The following CNTNAP2 variants were observed in gnomAD, a reference collection of about 807,000 sequenced individuals.
The protein encoded by CNTNAP2 is contactin associated protein 2.
In CNTNAP2, 98 loss-of-function variants were observed where a neutral mutation model predicts 155.2. The ratio of observed to expected loss-of-function variants is 0.63; its 90% confidence interval spans 0.54 to 0.75. The LOEUF (loss-of-function observed/expected upper bound fraction) is 0.75, where lower values mean the gene tolerates loss of function less well. Among genes scored for constraint, CNTNAP2 ranks in the 30% least tolerant of loss-of-function variants. The pLI, the probability that CNTNAP2 is intolerant of heterozygous loss-of-function variation, is 0.00. For missense variants in CNTNAP2, 1,727 were observed against 1,688.1 expected (o/e 1.02, Z -0.40); for synonymous variants, 651 against 631.2 (o/e 1.03, Z -0.47).
chr7:148,362,616 G>A (rs1008915678), intron 21 of CNTNAP2, among the ~76,000 whole-genome samples: 2 of 152,170 alleles, frequency 1.3e-5, no homozygotes, highest in South Asian at 2.1e-4. Flanking sequence ...TCTGTACTGC[G>A]TGCAGGCTGC....
At chr7:148,228,574 A>G (rs970741366) in intron 19 of CNTNAP2, among the ~76,000 whole-genome samples, 9 of 152,180 alleles carry the variant, frequency 5.9e-5, no homozygotes, top group African/African-American at 2.2e-4. Flanking sequence ...CTGTAATCCC[A>G]GCACTTTGGG....
chr7:146,284,559 T>C lies in CNTNAP2; in HGVS notation c.97+167586T>C, dbSNP rs182207482. ...TATTTTTCTAGCTTCCAGTTTTAGT[T>C]GCACACAATCTACTTAGCTAAAACT... is the stretch of plus-strand genomic sequence containing the variant. On this transcript the variant is annotated intron_variant, in intron 1 of 23. Coordinates refer to ENST00000361727, the MANE Select transcript of CNTNAP2 (RefSeq NM_014141.6). 9.2e-5 allele frequency among the ~76,000 whole-genome samples: 14 copies of C among 152,354 alleles called. No homozygotes were observed. The East Asian group carries it at 2.7e-3, about 29-fold the overall frequency.
intron 1 of CNTNAP2, among the ~76,000 whole-genome samples, chr7:146,526,065 AAT>A (rs755978403): frequency 1.8e-4 from 28 of 152,286 alleles, no homozygotes; most frequent in Middle Eastern, 3.4e-3. Flanking sequence ...TTTGAAAATA[AAT>A]ATATGTTAGG....
intron 1 of CNTNAP2, among the ~76,000 whole-genome samples, chr7:146,161,598 T>G (rs148663340): frequency 6.6e-6 from 1 of 152,200 alleles, no homozygotes; most frequent in Non-Finnish European, 1.5e-5. Context: ...CAAGGTAATT[T>G]ATAGATTCAA....
At chr7:147,087,825 A>G (rs561362621) in intron 4 of CNTNAP2, among the ~76,000 whole-genome samples, 4 of 152,032 alleles carry the variant, frequency 2.6e-5, no homozygotes, top group Non-Finnish European at 2.9e-5. Flanking sequence ...AAAAATACAA[A>G]AATTAGCTGG....
chr7:147,371,186 A>G (rs1796332425), intron 9 of CNTNAP2, among the ~76,000 whole-genome samples: 1 of 152,210 alleles, frequency 6.6e-6, no homozygotes, highest in Admixed American at 6.5e-5. Context: ...AGATATTAGT[A>G]AATCAAACAA....
At chr7:148,301,279 G>A (rs1269371297) in intron 21 of CNTNAP2, among the ~76,000 whole-genome samples, 1 of 124,282 alleles carries the variant, frequency 8.0e-6, no homozygotes, top group Non-Finnish European at 1.6e-5. Context: ...GGGTGACAAG[G>A]CGAGACTCCG....
intron 8 of CNTNAP2, among the ~76,000 whole-genome samples, chr7:147,227,243 C>A (rs1307608534): frequency 6.6e-6 from 1 of 152,012 alleles, no homozygotes; most frequent in Non-Finnish European, 1.5e-5. Context: ...ATAAAGGAAG[C>A]CCTTCTGGTT....
At chr7:148,260,809 T>TAA (rs1477252982) in intron 20 of CNTNAP2, among the ~76,000 whole-genome samples, 1 of 152,088 alleles carries the variant, frequency 6.6e-6, no homozygotes, top group African/African-American at 2.4e-5. Context: ...TAGGAGAGAC[T>TAA]AACAGAGGAA....
At chr7:146,353,730 G>A (rs1025009120) in intron 1 of CNTNAP2, among the ~76,000 whole-genome samples, 1 of 151,936 alleles carries the variant, frequency 6.6e-6, no homozygotes, top group South Asian at 2.1e-4. Flanking sequence ...ACCTGACAAA[G>A]GTAGTAGCAG....
In CNTNAP2 at chr7:146,969,945, A is replaced by G. The variant is rs552782538; in HGVS notation, c.403-73962A>G. Among the ~76,000 whole-genome samples, 147 of 152,328 alleles carry G rather than the reference A, an allele frequency of 9.7e-4. No individual in the cohort carries two copies. In the South Asian group the frequency reaches 0.023, roughly 24 times the overall value. Reference sequence around the variant, plus strand: ...TCTGATCTTTGACAAACTTCACAAAAACAAACAATGGGGAAAGGATTCCCT... The same window carrying G: ...TCTGATCTTTGACAAACTTCACAAAGACAAACAATGGGGAAAGGATTCCCT... On this transcript the variant is annotated intron_variant, in intron 3 of 23. Transcript: ENST00000361727.
At position 146,922,274 on chromosome 7, in the gene CNTNAP2, A is replaced by C. The variant is rs868711465; in HGVS notation, c.402+82370A>C. Among the ~76,000 whole-genome samples, 34 of 143,958 alleles carry C rather than the reference A, an allele frequency of 2.4e-4. 1 individual carries two copies. The highest frequency in any genetic ancestry group is 1.5e-3 in the Admixed American group (21 of 14,366). The allele number at this position is 143,958 out of a possible 152,430, so 94.4% of individuals were successfully genotyped here. ...AAACTTAATAAAGGAAAAAAAAAAAACGCCACTTTCAGCCTTTTCAGTTTT... is the reference window on the plus strand; with the variant it reads ...AAACTTAATAAAGGAAAAAAAAAAACCGCCACTTTCAGCCTTTTCAGTTTT... On this transcript the variant is annotated intron_variant, in intron 3 of 23. Transcript: ENST00000361727.
Position 147,697,911 on chromosome 7 carries a change from A to G in CNTNAP2, c.2098+58605A>G, listed in dbSNP as rs562542677. On this transcript the variant is annotated intron_variant, in intron 13 of 23. Transcript: ENST00000361727. ...GTGAGAAGCTGGCAGACTCCTGGAG[A>G]GGAAACTTGTAGAAGTGTGAGGACC... Among the ~76,000 whole-genome samples, 109 of 152,240 alleles carry G rather than the reference A, an allele frequency of 7.2e-4. 1 individual carries two copies. The highest frequency in any genetic ancestry group is 2.6e-3 in the African/African-American group (106 of 41,554).
At chr7:147,432,693 T>C (rs1797485362) in intron 10 of CNTNAP2, among the ~76,000 whole-genome samples, 1 of 152,192 alleles carries the variant, frequency 6.6e-6, no homozygotes, top group Non-Finnish European at 1.5e-5. Context: ...CAGTGTTTTT[T>C]GAAATCATAT....
chr7:148,413,162 C>A (rs1334488878), intron 23 of CNTNAP2, among the ~76,000 whole-genome samples: 1 of 151,374 alleles, frequency 6.6e-6, no homozygotes, highest in Non-Finnish European at 1.5e-5. Flanking sequence ...GAGGCCGAGG[C>A]AGGTGGATTA....
At chr7:147,861,017 A>G (rs4726891) in intron 13 of CNTNAP2, among the ~76,000 whole-genome samples, 94,992 of 151,420 alleles carry the variant, frequency 0.63, 30,385 homozygotes, top group South Asian at 0.74. Context: ...TTTTTTCACT[A>G]GTCTACTAAA....
intron 14 of CNTNAP2, among the ~76,000 whole-genome samples, chr7:147,958,949 T>C (rs1421065833): frequency 6.6e-6 from 1 of 152,146 alleles, no homozygotes; most frequent in Admixed American, 6.6e-5. Context: ...AGGTCCCAGG[T>C]GTGTCAGTGC....
At chr7:148,151,001 T>C (rs1446908072) in intron 17 of CNTNAP2, among the ~76,000 whole-genome samples, 1 of 151,982 alleles carries the variant, frequency 6.6e-6, no homozygotes, top group Non-Finnish European at 1.5e-5. Context: ...ATTACAGGCA[T>C]GAGCCACCAT....
intron 12 of CNTNAP2, among the ~76,000 whole-genome samples, chr7:147,564,879 G>A (rs1005607190): frequency 6.6e-6 from 1 of 152,198 alleles, no homozygotes; most frequent in Non-Finnish European, 1.5e-5. Context: ...ACAAACATCA[G>A]TGTGTTCAAG....
Sources: allele counts gnomAD v4.1 joint callset (sites outside exome capture counted in the v4.1 genomes callset), GRCh38; gene constraint gnomAD v4.1.1; transcripts MANE v1.5; gene names NCBI Gene and HGNC (gene_info 2026-07-23, HGNC 2026-07-21).